The following ORMDL3 variants were observed in gnomAD, a reference collection of about 807,000 sequenced individuals.
The protein encoded by ORMDL3 is ORM1-like protein 3.
Under a neutral mutation model 12.6 loss-of-function variants are expected in ORMDL3, and 6 were observed. The observed-to-expected ratio is 0.48, with a 90% CI of 0.26 to 0.94. ORMDL3 has a LOEUF of 0.94. ORMDL3 is among the 40% of genes least tolerant of loss of function. ORMDL3 has a pLI of 0.14. For missense variants in ORMDL3, 159 were observed against 205.5 expected, an observed-to-expected ratio of 0.77 and a Z score of 1.38; for synonymous variants, 99 against 87.2, an observed-to-expected ratio of 1.14 and a Z score of -0.75.
rs1349354369 is a variant in ORMDL3 at position 39,921,817 on chromosome 17, T to C, written c.*733A>G. 6.6e-6 allele frequency: 1 copy of C among 152,354 alleles called. No homozygotes were observed. The highest frequency in any genetic ancestry group is 1.5e-5 in the Non-Finnish European group (1 of 68,120). 9.4% of individuals were successfully genotyped at this position (152,354 alleles called of 1,614,324 possible). ...CTTACACCAGTCCTCTGCTGCTATG[T>C]GGCCCCATTCTTCTAAGTCTCGACT... On this transcript the variant is annotated 3_prime_UTR_variant, in exon 4 of 4. Transcript: ENST00000304046.
chr17:39,927,193 G>A, intron 1 of ORMDL3: 1 of 223,052 alleles, frequency 4.5e-6, no homozygotes, highest in Non-Finnish European at 7.5e-6. Context: ...CCATCTCCAC[G>A]CGTTCACCCA....
At chr17:39,923,386 G>T in intron 2 of ORMDL3, 123 bp from the exon 3 acceptor site, 2 of 1,144,868 alleles carry the variant, frequency 1.7e-6, no homozygotes, top group Non-Finnish European at 2.5e-6. Flanking sequence ...TGGGCAGGGG[G>T]ATATGGGCTG....
chr17:39,927,570 G>A lies in ORMDL3; in HGVS notation c.-109C>T. On this transcript the variant is annotated 5_prime_UTR_variant, in exon 1 of 4. Transcript: ENST00000304046. ...CCAGCAGCTGTAACAACCCGCGGCT[G>A]CAGCCTCCCCGCTGGCAGCTCCGGC... is the stretch of plus-strand genomic sequence containing the variant. 1.0e-6 allele frequency: 1 copy of A among 985,632 alleles called. No homozygotes were observed. Among genetic ancestry groups the A allele is most frequent in the Non-Finnish European group, 1.2e-6 (1 of 830,052 alleles). The allele number at this position is 985,632 out of a possible 1,614,324, so 61.1% of individuals were successfully genotyped here. A position where few individuals can be genotyped will look rare whatever the true frequency, so the allele number is the denominator to read the frequency against.
At chr17:39,927,426 C>T in intron 1 of ORMDL3, 58 bp downstream of exon 1, 2 of 985,778 alleles carry the variant, frequency 2.0e-6, no homozygotes, top group Non-Finnish European at 1.2e-6. Context: ...CAGCAGCCCC[C>T]ACCTTCTCTC....
rs749942983 is a variant in ORMDL3 at position 39,922,287 on chromosome 17, C to G, written c.*263G>C. ...GGAGCCCAGCCCATTCCATGACCAA[C>G]TCCATGGAGTCTCTATTCAAAAAGC... On this transcript the variant is annotated 3_prime_UTR_variant, in exon 4 of 4. Transcript: ENST00000304046. The G allele has an allele frequency of 2.0e-5, 7 of 352,012 alleles. No homozygotes were observed. Among genetic ancestry groups the G allele is most frequent in the Non-Finnish European group, 3.1e-5 (6 of 191,464 alleles). The allele number at this position is 352,012 out of a possible 1,614,324, so 21.8% of individuals were successfully genotyped here. A position where few individuals can be genotyped will look rare whatever the true frequency, so the allele number is the denominator to read the frequency against.
In ORMDL3 at chr17:39,922,384, C is replaced by T. The variant is rs1978301971; in HGVS notation, c.*166G>A. On this transcript the variant is annotated 3_prime_UTR_variant, in exon 4 of 4. Transcript: ENST00000304046. ...CCTACCCCAACCCCACTACAAGCTA[C>T]TCCAAGTTGGCTACTGGGGGAAGCG... 1.2e-6 allele frequency: 1 copy of T among 846,416 alleles called. No homozygotes were observed. The highest frequency in any genetic ancestry group is 2.6e-5 in the East Asian group (1 of 38,588). The allele number at this position is 846,416 out of a possible 1,614,324, so 52.4% of individuals were successfully genotyped here.
intron 3 of ORMDL3, 52 bp downstream of exon 3, chr17:39,923,060 C>A: frequency 6.2e-7 from 1 of 1,607,908 alleles, no homozygotes; most frequent in Non-Finnish European, 8.5e-7. Context: ...GCCCTGGGGT[C>A]CTCCAGGCCT....
At chr17:39,926,674 A>T in intron 1 of ORMDL3, 1 of 610,482 alleles carries the variant, frequency 1.6e-6, no homozygotes, top group Non-Finnish European at 2.0e-6. Context: ...TTCCCGCCCC[A>T]CCCTCTTGGC....
chr17:39,924,332 C>G, intron 1 of ORMDL3, 107 bp from the exon 2 acceptor site: 2 of 1,025,928 alleles, frequency 1.9e-6, no homozygotes, highest in South Asian at 1.7e-5. Context: ...GAACTCCAGG[C>G]AGTTCCACTC....
chr17:39,923,073 C>T (rs1978308922), intron 3 of ORMDL3, 39 bp downstream of exon 3: 1 of 1,612,446 alleles, frequency 6.2e-7, no homozygotes, highest in Non-Finnish European at 8.5e-7. Flanking sequence ...CCAGGCCTTG[C>T]CCTGCCTGCT....
rs1978305153 is a variant in ORMDL3 at position 39,922,651 on chromosome 17, GGTC to G, written c.358_360del (p.Asp120del). 1 of 1,613,984 alleles carries G rather than the reference GGTC, an allele frequency of 6.2e-7. No individual in the cohort carries two copies. Reference sequence around the variant, plus strand: ...ACGGTGTTGAGCACAAAATGGATCTGGTCGTACTTAGTGTAGAAGCTGGTGAGG... The same window carrying G: ...ACGGTGTTGAGCACAAAATGGATCTGGTACTTAGTGTAGAAGCTGGTGAGG... On this transcript the variant is annotated inframe_deletion, in exon 4 of 4. Transcript: ENST00000304046.
At chr17:39,924,278 C>T (rs1978323650) in intron 1 of ORMDL3, 53 bp from the exon 2 acceptor site, 1 of 1,499,936 alleles carries the variant, frequency 6.7e-7, no homozygotes, top group South Asian at 1.3e-5. Context: ...CCTGCCCCCT[C>T]TCACCCTCGG....
chr17:39,923,186 G>C lies in ORMDL3; in HGVS notation c.252C>G (p.Thr84=), dbSNP rs745930609. 1 of 1,614,202 alleles carries C rather than the reference G, an allele frequency of 6.2e-7. No homozygotes were observed. Among genetic ancestry groups the C allele is most frequent in the African/African-American group, 1.3e-5 (1 of 75,040 alleles). ...CCCCATAATCCATCTGCTCCCAGTG[G>C]GTTAGCAGCCTCGCCTTGCCCTGGT... ...TPDQGKARLL[T]HWEQMDYGVQ... Residue 84 remains threonine, a synonymous_variant, in exon 3 of 4, where the codon ACC becomes ACG. Coordinates refer to ENST00000304046, the MANE Select transcript of ORMDL3 (RefSeq NM_139280.4).
At chr17:39,927,087 T>A (rs1294572732) in intron 1 of ORMDL3, 1 of 865,712 alleles carries the variant, frequency 1.2e-6, no homozygotes, top group Non-Finnish European at 1.4e-6. Flanking sequence ...GTTTTCTGAG[T>A]GAGACCTCGG....
In ORMDL3 at chr17:39,922,371, C is replaced by G; in HGVS notation, c.*179G>C. ...AGAGCCCAGGGGGCCTACCCCAACC[C>G]CACTACAAGCTACTCCAAGTTGGCT... On this transcript the variant is annotated 3_prime_UTR_variant, in exon 4 of 4. Transcript: ENST00000304046. The G allele has an allele frequency of 1.4e-6, 1 of 740,076 alleles. No individual in the cohort carries two copies. The allele number at this position is 740,076 out of a possible 1,614,324, so 45.8% of individuals were successfully genotyped here. A position where few individuals can be genotyped will look rare whatever the true frequency, so the allele number is the denominator to read the frequency against.
chr17:39,924,330 G>A, intron 1 of ORMDL3, 105 bp from the exon 2 acceptor site: 1 of 1,065,748 alleles, frequency 9.4e-7, no homozygotes, highest in Non-Finnish European at 1.3e-6. Flanking sequence ...GAGAACTCCA[G>A]GCAGTTCCAC....
At position 39,921,780 on chromosome 17, in the gene ORMDL3, A is replaced by C. The variant is rs1978297837; in HGVS notation, c.*770T>G. ...GAGATTGGGTCTAGCTTCTGTCCCT[A>C]CCCCTCCCTCCCTTACACCAGTCCT... On this transcript the variant is annotated 3_prime_UTR_variant, in exon 4 of 4. Transcript: ENST00000304046. The C allele has an allele frequency of 2.1e-5, 3 of 144,788 alleles. No individual in the cohort carries two copies. The highest frequency in any genetic ancestry group is 2.2e-4 in the South Asian group (1 of 4,520). 9.0% of individuals were successfully genotyped at this position (144,788 alleles called of 1,614,324 possible).
chr17:39,921,226 CT>C lies in ORMDL3; in HGVS notation c.*1323del, dbSNP rs1285629903. 6.5e-6 allele frequency: 1 copy of C among 152,816 alleles called. No homozygotes were observed. The highest frequency in any genetic ancestry group is 1.5e-5 in the Non-Finnish European group (1 of 68,052). The allele number at this position is 152,816 out of a possible 1,614,324, so 9.5% of individuals were successfully genotyped here. On this transcript the variant is annotated 3_prime_UTR_variant, in exon 4 of 4. Transcript: ENST00000304046. ...TGACCTCTCCCGTTCCCTTGGACCC[CT>C]GGAAGAGGACACAGGGACCCACACC...
Position 39,926,930 on chromosome 17 carries a change from G to A in ORMDL3, c.-23+554C>T, listed in dbSNP as rs1045962832. 3.0e-6 allele frequency: 3 copies of A among 985,914 alleles called. 1 individual carries two copies. In the Middle Eastern group the frequency reaches 1.6e-3, roughly 515 times the overall value. 61.1% of individuals were successfully genotyped at this position (985,914 alleles called of 1,614,324 possible). On this transcript the variant is annotated intron_variant, in intron 1 of 3. Coordinates refer to ENST00000304046, the MANE Select transcript of ORMDL3 (RefSeq NM_139280.4). ...GTCCATTCCGCCCACCCCCCAAGCTGCAGGACCACAGCTGATAACCTCTCA... is the reference window on the plus strand; with the variant it reads ...GTCCATTCCGCCCACCCCCCAAGCTACAGGACCACAGCTGATAACCTCTCA...
Sources: allele counts gnomAD v4.1 joint callset, GRCh38; gene constraint gnomAD v4.1.1; transcripts MANE v1.5; gene names NCBI Gene and HGNC (gene_info 2026-07-23, HGNC 2026-07-21).